The following CDK8 variants were observed in gnomAD, a reference collection of about 807,000 sequenced individuals.
CDK8 encodes cyclin-dependent kinase 8.
CDK8 carries 29 observed loss-of-function variants against 71.5 expected under a neutral mutation model. The ratio of observed to expected loss-of-function variants is 0.41; its 90% CI spans 0.30 to 0.55. The LOEUF (loss-of-function observed/expected upper bound fraction) is 0.55. Ranked by LOEUF, CDK8 falls within the 20% of genes least tolerant of loss-of-function variation. CDK8 has a pLI of 0.37. For synonymous variants in CDK8, 161 were observed against 192.1 expected (o/e 0.84, Z 1.34); for missense variants, 288 against 572.6 (o/e 0.50, Z 5.07).
At chr13:26,266,373 G>A (rs1048469849) in intron 1 of CDK8, among the ~76,000 whole-genome samples, 1 of 152,148 alleles carries the variant, frequency 6.6e-6, no homozygotes, top group Non-Finnish European at 1.5e-5. Context: ...TATAAAGTGC[G>A]AAGAAAGAGA....
chr13:26,369,624 G>T (rs1413679666), intron 4 of CDK8, among the ~76,000 whole-genome samples: 6 of 147,960 alleles, frequency 4.1e-5, no homozygotes, highest in Middle Eastern at 3.5e-3. Flanking sequence ...CGCTTCCTGG[G>T]TTCATGCCAT....
intron 1 of CDK8, among the ~76,000 whole-genome samples, chr13:26,287,671 G>T (rs573636714): frequency 2.0e-5 from 3 of 152,228 alleles, no homozygotes; most frequent in East Asian, 1.9e-4. Flanking sequence ...CGCCATTAAA[G>T]AACTTTTCCA....
intron 1 of CDK8, among the ~76,000 whole-genome samples, chr13:26,267,060 A>G (rs11617673): frequency 0.054 from 8,167 of 152,254 alleles, 265 homozygotes; most frequent in South Asian, 0.07. Context: ...TTTTCATTCA[A>G]AAATATTATG....
chr13:26,363,920 G>C (rs564069999), intron 4 of CDK8, among the ~76,000 whole-genome samples: 1 of 152,218 alleles, frequency 6.6e-6, no homozygotes, highest in Non-Finnish European at 1.5e-5. Flanking sequence ...AAGGCATTTT[G>C]GGTCTGATTC....
intron 1 of CDK8, among the ~76,000 whole-genome samples, chr13:26,280,267 A>G (rs1872690895): frequency 6.6e-6 from 1 of 152,238 alleles, no homozygotes; most frequent in Non-Finnish European, 1.5e-5. Flanking sequence ...TTAAACCTAT[A>G]CTGTAACTGA....
At chr13:26,329,660 G>A (rs1445199968) in intron 1 of CDK8, among the ~76,000 whole-genome samples, 1 of 151,772 alleles carries the variant, frequency 6.6e-6, no homozygotes, top group African/African-American at 2.4e-5. Context: ...CCACCACCAT[G>A]CCTGGCTAAA....
intron 4 of CDK8, among the ~76,000 whole-genome samples, chr13:26,362,513 A>C (rs546296183): frequency 6.6e-6 from 1 of 152,226 alleles, no homozygotes; most frequent in South Asian, 2.1e-4. Flanking sequence ...GAGAATGGAG[A>C]GTTCTGATTT....
chr13:26,285,787 A>G (rs1412081078), intron 1 of CDK8, among the ~76,000 whole-genome samples: 3 of 152,232 alleles, frequency 2.0e-5, no homozygotes, highest in Non-Finnish European at 4.4e-5. Context: ...GAATTTAGTA[A>G]AGTTTCAGGA....
rs1017648223 is a variant in CDK8, at chr13:26,256,835, T to C, written c.128+2066T>C. ...TCCATCAGTCTTTAATGATTCTCTT[T>C]ATGTGATGAACTTCTATTTTTAATG... On this transcript the variant is annotated intron_variant, in intron 1 of 12. Transcript: ENST00000381527. 5.0e-4 allele frequency among the ~76,000 whole-genome samples: 76 copies of C among 152,306 alleles called. 1 individual carries two copies. Among genetic ancestry groups the C allele is most frequent in the African/African-American group, 1.8e-3 (75 of 41,578 alleles).
intron 1 of CDK8, among the ~76,000 whole-genome samples, chr13:26,258,036 T>G (rs1007913397): frequency 1.3e-5 from 2 of 152,110 alleles, no homozygotes; most frequent in African/African-American, 2.4e-5. Context: ...TAATTAAGTT[T>G]CAGGTCCTGG....
At chr13:26,281,535 G>C (rs570050453) in intron 1 of CDK8, among the ~76,000 whole-genome samples, 1 of 103,964 alleles carries the variant, frequency 9.6e-6, no homozygotes, top group East Asian at 2.2e-4. Context: ...AAATGAGAAG[G>C]AATCAGAAAA....
chr13:26,353,901 T>C, intron 4 of CDK8, 21 bp downstream of exon 4: 3 of 1,608,712 alleles, frequency 1.9e-6, no homozygotes, highest in Non-Finnish European at 2.6e-6. Context: ...CTGTAATTGG[T>C]TTAAACTAGA....
At chr13:26,317,064 A>G (rs1445508381) in intron 1 of CDK8, among the ~76,000 whole-genome samples, 1 of 152,190 alleles carries the variant, frequency 6.6e-6, no homozygotes, top group Non-Finnish European at 1.5e-5. Context: ...AGGAACAGAA[A>G]GAGAAAGGGT....
At chr13:26,345,117 A>G (rs1056708367) in intron 2 of CDK8, among the ~76,000 whole-genome samples, 2 of 152,068 alleles carry the variant, frequency 1.3e-5, no homozygotes, top group Non-Finnish European at 2.9e-5. Context: ...GAGTTTTTCA[A>G]CTCCATTATA....
At chr13:26,312,663 C>T (rs915377402) in intron 1 of CDK8, among the ~76,000 whole-genome samples, 4 of 152,200 alleles carry the variant, frequency 2.6e-5, no homozygotes, top group Non-Finnish European at 5.9e-5. Context: ...CTAGGGTCCG[C>T]GGCTTCATTC....
At chr13:26,385,439 TA>T (rs1463243810) in intron 6 of CDK8, 97 bp downstream of exon 6, 2 of 1,040,222 alleles carry the variant, frequency 1.9e-6, no homozygotes, top group Non-Finnish European at 2.7e-6. Flanking sequence ...TAGCAAATTA[TA>T]AAAGTAAGAG....
At chr13:26,403,398 A>T (rs568568966) in intron 12 of CDK8, among the ~76,000 whole-genome samples, 1 of 152,096 alleles carries the variant, frequency 6.6e-6, no homozygotes, top group Non-Finnish European at 1.5e-5. Context: ...CTATAATCCT[A>T]GCAATGATTA....
intron 1 of CDK8, among the ~76,000 whole-genome samples, chr13:26,333,942 A>G (rs191033353): frequency 6.6e-6 from 1 of 152,290 alleles, no homozygotes; most frequent in African/African-American, 2.4e-5. Context: ...GTGTGGATGG[A>G]GAGATAAATT....
At chr13:26,354,210 A>G (rs1026527505) in intron 4 of CDK8, among the ~76,000 whole-genome samples, 1 of 152,208 alleles carries the variant, frequency 6.6e-6, no homozygotes, top group African/African-American at 2.4e-5. Context: ...TATATTTATA[A>G]TAACTTGAAA....
Sources: allele counts gnomAD v4.1 joint callset (sites outside exome capture counted in the v4.1 genomes callset), GRCh38; gene constraint gnomAD v4.1.1; transcripts MANE v1.5; gene names NCBI Gene and HGNC (gene_info 2026-07-23, HGNC 2026-07-21).